Variants in NPFFR2 observed in about 807,000 individuals in gnomAD.
NPFFR2 encodes neuropeptide FF receptor 2.
NPFFR2 carries 15 observed loss-of-function variants against 13.1 expected under a neutral mutation model. The ratio of observed to expected loss-of-function variants is 1.15; its 90% CI spans 0.77 to 1.76. The LOEUF (loss-of-function observed/expected upper bound fraction) is 1.76, where lower values mean the gene tolerates loss of function less well. Among genes scored for constraint, NPFFR2 ranks in the 40% most tolerant of loss-of-function variants. The pLI is 0.00. For missense variants in NPFFR2, 572 were observed against 503.5 expected (o/e 1.14, Z -1.30); for synonymous variants, 190 against 175.7 (o/e 1.08, Z -0.65).
intron 1 of NPFFR2, among the ~76,000 whole-genome samples, chr4:72,035,830 G>A (rs1244474183): frequency 6.6e-6 from 1 of 151,726 alleles, no homozygotes; most frequent in Non-Finnish European, 1.5e-5. Flanking sequence ...TTCTTCTTGG[G>A]CTATTGTAAG....
intron 2 of NPFFR2, among the ~76,000 whole-genome samples, chr4:72,137,176 T>A (rs1043635617): frequency 2.0e-5 from 3 of 152,202 alleles, no homozygotes; most frequent in Non-Finnish European, 4.4e-5. Flanking sequence ...ATACTTGAAT[T>A]ATTTAGGTTA....
chr4:72,114,050 G>T (rs1014770547), intron 1 of NPFFR2, among the ~76,000 whole-genome samples: 8 of 151,964 alleles, frequency 5.3e-5, no homozygotes, highest in African/African-American at 1.9e-4. Flanking sequence ...TAGACTATTT[G>T]CCCAGAGCTT....
chr4:72,080,665 G>A (rs1483528399), intron 1 of NPFFR2, among the ~76,000 whole-genome samples: 4 of 152,076 alleles, frequency 2.6e-5, no homozygotes, highest in African/African-American at 4.8e-5. Context: ...TTGTTCTAGT[G>A]TCAACTGTAT....
chr4:72,036,597 T>C (rs893357262), intron 1 of NPFFR2, among the ~76,000 whole-genome samples: 1 of 144,344 alleles, frequency 6.9e-6, no homozygotes, highest in Admixed American at 6.9e-5. Flanking sequence ...ATAATGTATA[T>C]ATACATTTAA....
rs907102120 is a variant in NPFFR2 at position 72,142,313 on chromosome 4, C to T, written c.428+4174C>T. Among the ~76,000 whole-genome samples the T allele has an allele frequency of 7.9e-5, 12 of 152,010 alleles. 1 individual carries two copies. Among genetic ancestry groups the T allele is most frequent in the Admixed American group, 6.6e-4 (10 of 15,250 alleles). On this transcript the variant is annotated intron_variant, in intron 3 of 3. Transcript: ENST00000308744. ...GATCCTGTCATTGGCGAGAGTGTCC[C>T]GATTTTCCAGGTACAGTCTGTCATG...
At chr4:72,086,953 A>G (rs1720789222) in intron 1 of NPFFR2, among the ~76,000 whole-genome samples, 1 of 152,006 alleles carries the variant, frequency 6.6e-6, no homozygotes, top group Non-Finnish European at 1.5e-5. Context: ...AAAGTTAGTA[A>G]GTATTTTGTC....
At chr4:72,096,546 AC>A (rs1203035922) in intron 1 of NPFFR2, among the ~76,000 whole-genome samples, 2 of 152,146 alleles carry the variant, frequency 1.3e-5, no homozygotes, top group African/African-American at 4.8e-5. Context: ...TTTGAGGAGA[AC>A]ACCTATCTCA....
chr4:72,072,451 A>G (rs1168479008), intron 1 of NPFFR2, among the ~76,000 whole-genome samples: 2 of 152,140 alleles, frequency 1.3e-5, no homozygotes, highest in Non-Finnish European at 2.9e-5. Flanking sequence ...AGAGGGATTC[A>G]AGAGCAAATT....
intron 1 of NPFFR2, among the ~76,000 whole-genome samples, chr4:72,032,711 T>A (rs1225729326): frequency 6.6e-6 from 1 of 152,204 alleles, no homozygotes; most frequent in Non-Finnish European, 1.5e-5. Flanking sequence ...GGAGAGGTTT[T>A]ATCCCCTTCT....
In NPFFR2 at chr4:72,137,932, C is replaced by T. The variant is rs570746102; in HGVS notation, c.329-108C>T. On this transcript the variant is annotated intron_variant, in intron 2 of 3. Coordinates refer to ENST00000308744, the MANE Select transcript of NPFFR2 (RefSeq NM_004885.3). ...GAAACATTGATTTTTCTCTGCCTAT[C>T]ATGTAGAAAACAGTTACATTAGTCT... 3 of 762,394 alleles carry T rather than the reference C, an allele frequency of 3.9e-6. No individual in the cohort carries two copies. In the South Asian group the frequency reaches 5.0e-5, roughly 13 times the overall value. The allele number at this position is 762,394 out of a possible 1,614,324, so 47.2% of individuals were successfully genotyped here. A position where few individuals can be genotyped will look rare whatever the true frequency, so the allele number is the denominator to read the frequency against.
At chr4:72,107,870 G>A (rs1461399872) in intron 1 of NPFFR2, among the ~76,000 whole-genome samples, 2 of 152,002 alleles carry the variant, frequency 1.3e-5, no homozygotes, top group Non-Finnish European at 2.9e-5. Context: ...TATTATTTAT[G>A]TGTATTTCTG....
intron 1 of NPFFR2, among the ~76,000 whole-genome samples, chr4:72,093,633 TC>T (rs139555698): frequency 0.27 from 40,494 of 151,764 alleles, 6,009 homozygotes; most frequent in Middle Eastern, 0.38. Context: ...GCTGAGACTT[TC>T]CAGTGCATTT....
At chr4:72,050,595 C>G (rs940458436) in intron 1 of NPFFR2, among the ~76,000 whole-genome samples, 4 of 152,004 alleles carry the variant, frequency 2.6e-5, no homozygotes, top group East Asian at 1.9e-4. Context: ...TGTTTTACCT[C>G]AAAATACATT....
At chr4:72,089,929 T>C (rs1433657223) in intron 1 of NPFFR2, among the ~76,000 whole-genome samples, 1 of 152,160 alleles carries the variant, frequency 6.6e-6, no homozygotes, top group Non-Finnish European at 1.5e-5. Flanking sequence ...TTTCTAATGT[T>C]ATCTTCTAGA....
intron 1 of NPFFR2, among the ~76,000 whole-genome samples, chr4:72,050,873 T>C (rs1390581482): frequency 6.6e-6 from 1 of 151,692 alleles, no homozygotes; most frequent in Non-Finnish European, 1.5e-5. Context: ...GTTTGGTTTT[T>C]GTTCTTGCGA....
intron 2 of NPFFR2, among the ~76,000 whole-genome samples, chr4:72,133,239 A>G (rs1478865545): frequency 6.6e-6 from 1 of 152,200 alleles, no homozygotes; most frequent in Non-Finnish European, 1.5e-5. Flanking sequence ...TTATCCCAGC[A>G]TGATTTATTA....
chr4:72,138,659 C>T (rs745898436), intron 3 of NPFFR2, among the ~76,000 whole-genome samples: 10 of 152,110 alleles, frequency 6.6e-5, no homozygotes, highest in Non-Finnish European at 1.0e-4. Context: ...TCCAGTATAT[C>T]ATTGAAGGAT....
chr4:72,124,495 T>C lies in NPFFR2; in HGVS notation c.-7-4090T>C, dbSNP rs565073764. Among the ~76,000 whole-genome samples the C allele has an allele frequency of 2.7e-5, 4 of 149,058 alleles. No homozygotes were observed. The East Asian group carries it at 7.7e-4, about 29-fold the overall frequency. On this transcript the variant is annotated intron_variant, in intron 1 of 3. Coordinates refer to ENST00000308744, the MANE Select transcript of NPFFR2 (RefSeq NM_004885.3). ...GGCATCAGGCTACCTGACTTCAAAC[T>C]GTACTACAAGGCTACTGTAACTGTA... is the stretch of plus-strand genomic sequence containing the variant.
At chr4:72,045,995 A>T (rs1401557869) in intron 1 of NPFFR2, among the ~76,000 whole-genome samples, 20 of 152,176 alleles carry the variant, frequency 1.3e-4, no homozygotes, top group Admixed American at 1.3e-3. Flanking sequence ...AAAGATGTTT[A>T]TTGCAGTATT....
Sources: allele counts gnomAD v4.1 joint callset (sites outside exome capture counted in the v4.1 genomes callset), GRCh38; gene constraint gnomAD v4.1.1; transcripts MANE v1.5; gene names NCBI Gene and HGNC (gene_info 2026-07-23, HGNC 2026-07-21).